Variants in PSG6 observed in about 807,000 individuals in gnomAD.
PSG6 encodes the protein pregnancy-specific beta-1-glycoprotein 6.
In PSG6, 51 loss-of-function variants were observed where a neutral mutation model predicts 43.3. That is an observed-to-expected ratio of 1.18 (90% CI 0.94 to 1.49). The LOEUF (loss-of-function observed/expected upper bound fraction) is 1.49. PSG6 is among the 40% of genes most tolerant of loss of function. The pLI is 0.00. For synonymous variants in PSG6, 292 were observed against 197.6 expected, an observed-to-expected ratio of 1.48 and a Z score of -4.01; for missense variants, 770 against 522.2, an observed-to-expected ratio of 1.47 and a Z score of -4.62.
chr19:42,917,601 G>A, intron 1 of PSG6, 128 bp downstream of exon 1: 1 of 1,405,622 alleles, frequency 7.1e-7, no homozygotes, highest in South Asian at 1.2e-5. Context: ...CTGATCTCGT[G>A]ATCCACCCAC....
chr19:42,903,232 G>C (rs1322339294), intron 5 of PSG6, among the ~76,000 whole-genome samples: 2 of 151,588 alleles, frequency 1.3e-5, no homozygotes, highest in Non-Finnish European at 2.9e-5. Context: ...ACCTTTAAAA[G>C]AATGGTATGA....
chr19:42,902,547 G>A (rs770414848), intron 5 of PSG6, 101 bp from the exon 6 acceptor site: 1 of 1,513,004 alleles, frequency 6.6e-7, no homozygotes, highest in Non-Finnish European at 9.0e-7. Context: ...GTGAAAGCAA[G>A]TCTAGTTCTC....
At chr19:42,914,955 G>A (rs531140368) in intron 2 of PSG6, among the ~76,000 whole-genome samples, 2 of 151,766 alleles carry the variant, frequency 1.3e-5, no homozygotes, top group South Asian at 4.2e-4. Flanking sequence ...GACTCTGGCG[G>A]TTGAAGCCAG....
chr19:42,910,384 G>C, intron 3 of PSG6, 196 bp downstream of exon 3: 4 of 1,398,398 alleles, frequency 2.9e-6, no homozygotes, highest in Non-Finnish European at 3.0e-6. Flanking sequence ...CCCATGACAG[G>C]AGAAGCCTCT....
chr19:42,917,272 C>T (rs192656234), intron 1 of PSG6, among the ~76,000 whole-genome samples: 11 of 151,330 alleles, frequency 7.3e-5, no homozygotes, highest in Non-Finnish European at 8.9e-5. Context: ...TGTGACTTTC[C>T]TATTTTGACC....
intron 5 of PSG6, among the ~76,000 whole-genome samples, chr19:42,905,932 G>A (rs1343559536): frequency 1.3e-5 from 2 of 151,642 alleles, no homozygotes; most frequent in African/African-American, 2.4e-5. Context: ...AGGAGTGAGA[G>A]TTACTGTTTA....
intron 2 of PSG6, chr19:42,915,908 C>T: frequency 1.4e-6 from 1 of 695,312 alleles, no homozygotes; most frequent in East Asian, 3.0e-5. Flanking sequence ...TGTCCTTCCT[C>T]TGCAGCGAGT....
At position 42,902,785 on chromosome 19, in the gene PSG6, G is replaced by A. The variant is rs1193699501; in HGVS notation, c.1241-339C>T. Among the ~76,000 whole-genome samples, 5 of 151,252 alleles carry A rather than the reference G, an allele frequency of 3.3e-5. 1 individual carries two copies. Among genetic ancestry groups the A allele is most frequent in the Non-Finnish European group, 7.4e-5 (5 of 67,836 alleles). On this transcript the variant is annotated intron_variant, in intron 5 of 5. Coordinates refer to ENST00000187910, the MANE Select transcript of PSG6 (RefSeq NM_001031850.4). ...TATCTTGTATGTCTAATCCCATCTT[G>A]GATGCATCTCAGTTGGTAAAAACTA...
At chr19:42,912,517 G>A (rs1483267771) in intron 2 of PSG6, among the ~76,000 whole-genome samples, 4 of 151,748 alleles carry the variant, frequency 2.6e-5, no homozygotes, top group Admixed American at 6.6e-5. Context: ...AGAGAGTCCT[G>A]TTAAAAGGAC....
At chr19:42,914,544 C>T (rs1041596677) in intron 2 of PSG6, among the ~76,000 whole-genome samples, 2 of 148,404 alleles carry the variant, frequency 1.3e-5, no homozygotes, top group Non-Finnish European at 3.0e-5. Flanking sequence ...CCAAAGAGCC[C>T]TGAGAACCCT....
intron 3 of PSG6, chr19:42,910,139 G>T: frequency 3.4e-6 from 1 of 293,318 alleles, no homozygotes; most frequent in South Asian, 3.9e-5. Context: ...GGTAATAGGT[G>T]TATGAGGAAG....
At chr19:42,902,559 G>A (rs1333716390) in intron 5 of PSG6, 113 bp from the exon 6 acceptor site, 34 of 1,457,300 alleles carry the variant, frequency 2.3e-5, no homozygotes, top group African/African-American at 2.8e-5. Context: ...CTAGTTCTCC[G>A]AGGCTCTCTT....
intron 2 of PSG6, among the ~76,000 whole-genome samples, chr19:42,912,595 T>C (rs1446394663): frequency 6.6e-6 from 1 of 151,826 alleles, no homozygotes; most frequent in Non-Finnish European, 1.5e-5. Flanking sequence ...TGATGTGTGT[T>C]ATGTTAGTAA....
intron 5 of PSG6, among the ~76,000 whole-genome samples, chr19:42,904,296 T>A (rs1383845563): frequency 6.6e-6 from 1 of 151,642 alleles, no homozygotes; most frequent in East Asian, 1.9e-4. Context: ...AAAGGTCTAA[T>A]CAGAAAAATT....
chr19:42,910,371 TC>T, intron 3 of PSG6: 1 of 1,282,600 alleles, frequency 7.8e-7, no homozygotes, highest in Non-Finnish European at 1.1e-6. Context: ...GGAACCTGAG[TC>T]TCCCATGACA....
chr19:42,904,055 T>A (rs149535572), intron 5 of PSG6, among the ~76,000 whole-genome samples: 1 of 151,694 alleles, frequency 6.6e-6, no homozygotes, highest in Non-Finnish European at 1.5e-5. Context: ...AATATGAATA[T>A]AACTATAATC....
chr19:42,916,173 C>G lies in PSG6; in HGVS notation c.379G>C (p.Gly127Arg), dbSNP rs748893912. Residue 127 changes from glycine to arginine, a missense_variant, in exon 2 of 6, where the codon GGC becomes CGC. By Grantham distance (125) the Gly-to-Arg change is moderately radical. Coordinates refer to ENST00000187910, the MANE Select transcript of PSG6 (RefSeq NM_001031850.4). ...GSYTLHIIKR[G>R]DGTGGVTGYF... ...CCAGTTACTCCTCCAGTCCCATCGCCTCGCTTTATGATGTGTAAGGTGTAG... is the reference window on the plus strand; with the variant it reads ...CCAGTTACTCCTCCAGTCCCATCGCGTCGCTTTATGATGTGTAAGGTGTAG... 33 of 1,612,004 alleles carry G rather than the reference C, an allele frequency of 2.0e-5. 1 individual carries two copies. The highest frequency in any genetic ancestry group is 2.5e-5 in the Non-Finnish European group (29 of 1,179,042).
At chr19:42,912,280 A>G (rs1466685686) in intron 2 of PSG6, among the ~76,000 whole-genome samples, 1 of 151,612 alleles carries the variant, frequency 6.6e-6, no homozygotes, top group African/African-American at 2.4e-5. Context: ...TTTAGACCTC[A>G]TGTTATATTC....
At chr19:42,915,383 G>C (rs918188201) in intron 2 of PSG6, 4 of 152,040 alleles carry the variant, frequency 2.6e-5, no homozygotes, top group African/African-American at 4.8e-5. Flanking sequence ...CTTTGCGTCA[G>C]ATCCCTGTGG....
Sources: gnomAD v4.1 joint callset for allele counts (sites outside exome capture counted in the v4.1 genomes callset) on GRCh38, gnomAD v4.1.1 for gene constraint, MANE v1.5 for transcripts, NCBI Gene and HGNC (gene_info 2026-07-23, HGNC 2026-07-21) for gene names.